The following ANK2 variants were observed in gnomAD, a reference collection of about 807,000 sequenced individuals.
ANK2 encodes ankyrin 2.
Under a neutral mutation model 360.5 loss-of-function variants are expected in ANK2, and 83 were observed. The ratio of observed to expected loss-of-function variants is 0.23; its 90% CI spans 0.19 to 0.28. The LOEUF is 0.28. Ranked by LOEUF, ANK2 falls within the 10% of genes least tolerant of loss-of-function variation. ANK2 has a pLI of 1.00. For synonymous variants in ANK2, 1,740 were observed against 1,759.5 expected, an observed-to-expected ratio of 0.99 and a Z score of 0.28; for missense variants, 4,201 against 4,795.7, an observed-to-expected ratio of 0.88 and a Z score of 3.66.
chr4:112,911,658 A>G (rs887473012), intron 2 of ANK2, among the ~76,000 whole-genome samples: 1 of 152,120 alleles, frequency 6.6e-6, no homozygotes, highest in Non-Finnish European at 1.5e-5. Flanking sequence ...CTCTGTTGCT[A>G]TGTTTTTCCT....
chr4:112,890,168 G>T (rs2079538295), intron 1 of ANK2, among the ~76,000 whole-genome samples: 1 of 152,158 alleles, frequency 6.6e-6, no homozygotes, highest in South Asian at 2.1e-4. Context: ...AAAACACTGT[G>T]AGGAGGTACG....
intron 2 of ANK2, among the ~76,000 whole-genome samples, chr4:113,015,394 A>C (rs565675581): frequency 2.0e-4 from 31 of 152,348 alleles, no homozygotes; most frequent in African/African-American, 7.2e-4. Context: ...TGATTAGTTG[A>C]CATTTCAAAG....
rs543397730 is a variant in ANK2, at chr4:113,229,547, G to A, written c.385-2614G>A. 9.8e-5 allele frequency among the ~76,000 whole-genome samples: 15 copies of A among 152,294 alleles called. 1 individual carries two copies. The highest frequency in any genetic ancestry group is 3.6e-4 in the African/African-American group (15 of 41,546). On this transcript the variant is annotated intron_variant, in intron 4 of 45. Coordinates refer to ENST00000357077, the MANE Select transcript of ANK2 (RefSeq NM_001148.6). ...AGAGATTAGGATGTGGACATATGTG[G>A]GGGCCATCATTCTGCCTCCCAAAGG...
At chr4:112,918,462 G>T (rs1013632263) in intron 2 of ANK2, among the ~76,000 whole-genome samples, 13 of 152,156 alleles carry the variant, frequency 8.5e-5, no homozygotes, top group Non-Finnish European at 1.0e-4. Context: ...CACTCTGAAA[G>T]TAAGCTATTT....
At chr4:112,794,721 T>C in the ANK2 span, among the ~76,000 whole-genome samples, 3 of 152,220 alleles carry the variant, frequency 2.0e-5, no homozygotes, top group Admixed American at 2.0e-4. Flanking sequence ...CCAAACTATT[T>C]TAACAGGGAA....
intron 4 of ANK2, among the ~76,000 whole-genome samples, chr4:113,199,843 A>T (rs1014574221): frequency 3.3e-5 from 5 of 152,168 alleles, no homozygotes; most frequent in African/African-American, 1.2e-4. Flanking sequence ...GGATATTAGC[A>T]AAATAAGCCA....
chr4:113,096,118 A>G (rs1168422321), intron 1 of ANK2, among the ~76,000 whole-genome samples: 4 of 152,208 alleles, frequency 2.6e-5, no homozygotes, highest in Non-Finnish European at 4.4e-5. Flanking sequence ...GAAGCTGACC[A>G]GGAGTTCAGT....
intron 1 of ANK2, among the ~76,000 whole-genome samples, chr4:113,068,539 G>A (rs2076401799): frequency 6.6e-6 from 1 of 152,150 alleles, no homozygotes; most frequent in Non-Finnish European, 1.5e-5. Context: ...AAATTGTACA[G>A]CGAAGCACTT....
chr4:113,189,660 G>C (rs1322807159), intron 2 of ANK2, among the ~76,000 whole-genome samples: 1 of 152,176 alleles, frequency 6.6e-6, no homozygotes, highest in Non-Finnish European at 1.5e-5. Flanking sequence ...ACTGGAATCT[G>C]CTGTGGAATT....
chr4:112,768,683 CAAAA>C, the ANK2 span, among the ~76,000 whole-genome samples: 1 of 151,752 alleles, frequency 6.6e-6, no homozygotes, highest in Non-Finnish European at 1.5e-5. Flanking sequence ...AACAAACAAA[CAAAA>C]AACTCATTCT....
At chr4:112,813,825 T>G (rs1216116988), upstream of ANK2, among the ~76,000 whole-genome samples, 9 of 152,208 alleles carry the variant, frequency 5.9e-5, no homozygotes. Context: ...CATGAGCCAC[T>G]GCACCCAGCC....
chr4:112,831,152 C>T (rs112927035), intron 1 of ANK2, among the ~76,000 whole-genome samples: 3,592 of 152,354 alleles, frequency 0.024, 124 homozygotes, highest in African/African-American at 0.08. Flanking sequence ...TACTCTGCAG[C>T]GCCCAGTCCC....
intron 2 of ANK2, among the ~76,000 whole-genome samples, chr4:112,953,563 C>T (rs35360943): frequency 0.11 from 17,173 of 151,660 alleles, 1,579 homozygotes; most frequent in African/African-American, 0.26. Flanking sequence ...GGATTACATA[C>T]GTTTGGTTTG....
rs1309265398 is a variant in ANK2, at chr4:113,353,388, G to A, written c.4770G>A (p.Glu1590=). The A allele has an allele frequency of 1.9e-6, 3 of 1,613,972 alleles. No individual in the cohort carries two copies. The highest frequency in any genetic ancestry group is 2.5e-6 in the Non-Finnish European group (3 of 1,179,984). Residue 1590 remains glutamate, a synonymous_variant, in exon 38 of 46, where the codon GAG becomes GAA. Coordinates refer to ENST00000357077, the MANE Select transcript of ANK2 (RefSeq NM_001148.6). Reference sequence around the variant, plus strand: ...GGTCTGAGAGAGGATTAGTTGAAGAGGAATGGGTTATTGTCAGTGATGAGG... The same window carrying A: ...GGTCTGAGAGAGGATTAGTTGAAGAAGAATGGGTTATTGTCAGTGATGAGG... ...SSRSERGLVE[E]EWVIVSDEEI...
Position 113,354,629 on chromosome 4 carries a change from C to G in ANK2, c.6011C>G (p.Ser2004Cys). ...GCTTTCCAGTCAGGTCAGGACCCTT[C>G]TAAACATAAAACTGGACTCTTTGAG... ...MKAFQSGQDPSKHKTGLFEHK... is the reference protein window; with the variant it reads ...MKAFQSGQDPCKHKTGLFEHK... The change falls in exon 38 of 46, where the codon TCT becomes TGT. Residue 2004 changes from serine to cysteine, a missense_variant. Ser to Cys is a moderately radical substitution (Grantham distance 112). Coordinates refer to ENST00000357077, the MANE Select transcript of ANK2 (RefSeq NM_001148.6). 1 of 1,614,074 alleles carries G rather than the reference C, an allele frequency of 6.2e-7. No individual in the cohort carries two copies. The highest frequency in any genetic ancestry group is 8.5e-7 in the Non-Finnish European group (1 of 1,180,002).
chr4:113,069,362 C>T (rs2076741099), intron 1 of ANK2, among the ~76,000 whole-genome samples: 1 of 152,158 alleles, frequency 6.6e-6, no homozygotes. Flanking sequence ...TTAGAGCAGG[C>T]CATCTTCCAG....
rs145587622 is a variant in ANK2 at position 113,008,960 on chromosome 4, T to G, written c.21+104446T>G. On this transcript the variant is annotated intron_variant, in intron 2 of 30. Coordinates refer to the ANK2 transcript ENST00000503271. The stretch of plus-strand genomic sequence containing the variant: ...ATCTTGCAGCTGCTGATCAGCTGCT[T>G]CACTCGTGGGGCCTCAGAGAAAGAA... Among the ~76,000 whole-genome samples the G allele has an allele frequency of 8.5e-4, 130 of 152,276 alleles. 2 individuals are homozygous for G. The South Asian group carries it at 0.025, about 29-fold the overall frequency.
At chr4:112,754,653 T>C in the ANK2 span, among the ~76,000 whole-genome samples, 8 of 152,148 alleles carry the variant, frequency 5.3e-5, no homozygotes, top group Admixed American at 6.5e-5. Flanking sequence ...AGCCATTGGC[T>C]AGAGCACTCT....
chr4:112,860,228 C>CT (rs895855941), intron 1 of ANK2, among the ~76,000 whole-genome samples: 2 of 151,510 alleles, frequency 1.3e-5, no homozygotes, highest in Middle Eastern at 3.4e-3. Context: ...AAAAAAAATT[C>CT]TTTTTTTTTC....
Sources: allele counts gnomAD v4.1 joint callset (sites outside exome capture counted in the v4.1 genomes callset), GRCh38; gene constraint gnomAD v4.1.1; transcripts MANE v1.5; gene names NCBI Gene and HGNC (gene_info 2026-07-23, HGNC 2026-07-21).